The following PDLIM5 variants were observed in gnomAD, a reference collection of about 807,000 sequenced individuals.
PDLIM5 encodes the protein PDZ and LIM domain protein 5.
PDLIM5 carries 34 observed loss-of-function variants against 64.2 expected under a neutral mutation model. The observed-to-expected ratio is 0.53, with a 90% CI of 0.40 to 0.71. PDLIM5 has a LOEUF of 0.71. Ranked by LOEUF, PDLIM5 falls within the 30% of genes least tolerant of loss-of-function variation. The pLI, the probability that PDLIM5 is intolerant of heterozygous loss-of-function variation, is 0.00. For synonymous variants in PDLIM5, 253 were observed against 269.1 expected (o/e 0.94, Z 0.59); for missense variants, 683 against 733.6 (o/e 0.93, Z 0.80).
At chr4:94,641,839 A>G (rs1327271637) in intron 9 of PDLIM5, among the ~76,000 whole-genome samples, 1 of 152,236 alleles carries the variant, frequency 6.6e-6, no homozygotes, top group Non-Finnish European at 1.5e-5. Context: ...GCAGTATTCA[A>G]CACACAGAAG....
intron 3 of PDLIM5, among the ~76,000 whole-genome samples, chr4:94,554,852 A>G (rs1313621442): frequency 2.0e-5 from 3 of 152,216 alleles, no homozygotes; most frequent in Non-Finnish European, 2.9e-5. Flanking sequence ...AAAGGTTGAC[A>G]TGAATTTTTG....
In PDLIM5 at chr4:94,601,113, C is replaced by G. The variant is rs544374434; in HGVS notation, c.920+14669C>G. ...TCTTAGTCAGATCAAGCTGCTAGAA[C>G]AAAAATATCATGGACTGGGTGGCTT... On this transcript the variant is annotated intron_variant, in intron 7 of 12. Transcript: ENST00000317968. 6.6e-5 allele frequency among the ~76,000 whole-genome samples: 10 copies of G among 152,208 alleles called. No individual in the cohort carries two copies. In the East Asian group the frequency reaches 1.3e-3, roughly 21 times the overall value.
rs531293713 is a variant in PDLIM5, at chr4:94,560,580, G to C, written c.249-12771G>C. Among the ~76,000 whole-genome samples the C allele has an allele frequency of 5.3e-5, 8 of 152,290 alleles. No homozygotes were observed. The East Asian group carries it at 1.5e-3, about 29-fold the overall frequency. ...CATCTTACAGGCAAGGAAACTGAGA[G>C]GTTAAGTAACTTGTCCCAGGTTGAA... On this transcript the variant is annotated intron_variant, in intron 3 of 12. Transcript: ENST00000317968.
chr4:94,517,073 G>A (rs777495823), intron 2 of PDLIM5, among the ~76,000 whole-genome samples: 1 of 152,102 alleles, frequency 6.6e-6, no homozygotes, highest in African/African-American at 2.4e-5. Flanking sequence ...ATGCGGGGGG[G>A]ACATCACATC....
chr4:94,457,400 T>C (rs188455917), intron 2 of PDLIM5, among the ~76,000 whole-genome samples: 1 of 152,322 alleles, frequency 6.6e-6, no homozygotes, highest in African/African-American at 2.4e-5. Flanking sequence ...TTATTCCTGT[T>C]TGAGTGAGTT....
chr4:94,586,151 T>C (rs1736179283), intron 6 of PDLIM5, among the ~76,000 whole-genome samples: 2 of 152,092 alleles, frequency 1.3e-5, no homozygotes, highest in South Asian at 4.2e-4. Context: ...GCCTGGGTGA[T>C]GGAGGGGCTC....
intron 11 of PDLIM5, among the ~76,000 whole-genome samples, chr4:94,661,594 T>C (rs182835068): frequency 3.9e-5 from 6 of 152,288 alleles, no homozygotes; most frequent in Admixed American, 2.0e-4. Flanking sequence ...GTGGCTAATA[T>C]CGTTGTGATA....
intron 2 of PDLIM5, among the ~76,000 whole-genome samples, chr4:94,480,125 T>C (rs1725722204): frequency 1.3e-5 from 2 of 152,244 alleles, no homozygotes; most frequent in Admixed American, 1.3e-4. Flanking sequence ...GATTACTTTT[T>C]AGATAAATGT....
chr4:94,588,804 A>G lies in PDLIM5; in HGVS notation c.920+2360A>G, dbSNP rs1243173041. ...TATTCTTTCACATTAGTGACATTAT[A>G]GTCTAGTACAACTGCTTGATAATTT... On this transcript the variant is annotated intron_variant, in intron 7 of 12. Coordinates refer to ENST00000317968, the MANE Select transcript of PDLIM5 (RefSeq NM_006457.5). Among the ~76,000 whole-genome samples, 4 of 152,322 alleles carry G rather than the reference A, an allele frequency of 2.6e-5. No homozygotes were observed. The East Asian group carries it at 7.7e-4, about 29-fold the overall frequency.
At chr4:94,552,111 A>G (rs1732861314) in intron 3 of PDLIM5, among the ~76,000 whole-genome samples, 1 of 152,100 alleles carries the variant, frequency 6.6e-6, no homozygotes, top group African/African-American at 2.4e-5. Flanking sequence ...AGCTAGGATG[A>G]GCTGTGGATA....
intron 2 of PDLIM5, among the ~76,000 whole-genome samples, chr4:94,517,915 A>G (rs1560671712): frequency 1.3e-5 from 2 of 152,198 alleles, no homozygotes; most frequent in Non-Finnish European, 2.9e-5. Flanking sequence ...GACTATTAAA[A>G]TGGTGTTACC....
intron 2 of PDLIM5, among the ~76,000 whole-genome samples, chr4:94,470,075 T>C (rs1724725555): frequency 6.6e-6 from 1 of 150,796 alleles, no homozygotes; most frequent in Non-Finnish European, 1.5e-5. Context: ...TAAGTAATTG[T>C]CCTGCCTAAG....
chr4:94,661,406 GAA>G (rs1198020000), intron 11 of PDLIM5, among the ~76,000 whole-genome samples: 1 of 148,738 alleles, frequency 6.7e-6, no homozygotes, highest in East Asian at 2.0e-4. Context: ...AATGAAAGAA[GAA>G]AAAAAAAGAA....
At chr4:94,524,059 AT>A (rs1730106364) in intron 3 of PDLIM5, among the ~76,000 whole-genome samples, 184 bp downstream of exon 3, 2 of 152,122 alleles carry the variant, frequency 1.3e-5, no homozygotes, top group Admixed American at 1.3e-4. Context: ...GCTATGAGTT[AT>A]TTCCCCATCA....
intron 2 of PDLIM5, among the ~76,000 whole-genome samples, chr4:94,522,939 A>G (rs749379647): frequency 2.6e-5 from 4 of 152,158 alleles, no homozygotes; most frequent in Non-Finnish European, 5.9e-5. Flanking sequence ...ATATTTCTAG[A>G]TATCTATGAA....
At chr4:94,656,020 A>G (rs761750758) in intron 10 of PDLIM5, among the ~76,000 whole-genome samples, 4 of 152,186 alleles carry the variant, frequency 2.6e-5, no homozygotes, top group African/African-American at 4.8e-5. Context: ...GACAATTTCT[A>G]TGGCTAATAA....
At chr4:94,587,361 G>T in intron 7 of PDLIM5, 1 of 1,158,522 alleles carries the variant, frequency 8.6e-7, no homozygotes, top group Non-Finnish European at 1.1e-6. Context: ...GATTAGGGTA[G>T]TAATCTTGGA....
At chr4:94,541,945 G>C (rs552479205) in intron 3 of PDLIM5, among the ~76,000 whole-genome samples, 3 of 152,154 alleles carry the variant, frequency 2.0e-5, no homozygotes, top group African/African-American at 7.2e-5. Context: ...TATTCTCTCC[G>C]GCTTCCTGTT....
intron 3 of PDLIM5, among the ~76,000 whole-genome samples, chr4:94,561,997 CTG>C (rs1224110701): frequency 6.6e-6 from 1 of 152,162 alleles, no homozygotes; most frequent in African/African-American, 2.4e-5. Flanking sequence ...AGCCAGAGCT[CTG>C]TGTTAATTGT....
Sources: gnomAD v4.1 joint callset for allele counts (sites outside exome capture counted in the v4.1 genomes callset) on GRCh38, gnomAD v4.1.1 for gene constraint, MANE v1.5 for transcripts, NCBI Gene and HGNC (gene_info 2026-07-23, HGNC 2026-07-21) for gene names.